The following MTBP variants were observed in gnomAD, a reference collection of about 807,000 sequenced individuals.
MTBP encodes MDM2 binding protein.
In MTBP, 101 loss-of-function variants were observed where a neutral mutation model predicts 117.0. That is an observed-to-expected ratio of 0.86 (90% CI 0.73 to 1.02). The LOEUF is 1.02. Among genes scored for constraint, MTBP ranks in the 50% least tolerant of loss-of-function variants. The probability of loss-of-function intolerance (pLI) is 0.00; values close to 1 mark genes in which losing one functional copy is unlikely to be tolerated. For synonymous variants in MTBP, 350 were observed against 351.5 expected (o/e 1.00, Z 0.05); for missense variants, 970 against 1,030.9 (o/e 0.94, Z 0.81).
intron 4 of MTBP, among the ~76,000 whole-genome samples, chr8:120,453,164 A>G (rs78035338): frequency 6.6e-6 from 1 of 152,148 alleles, no homozygotes; most frequent in South Asian, 2.1e-4. Context: ...AAGATTCAGA[A>G]AAATGGCTGG....
chr8:120,455,638 T>C, intron 6 of MTBP, 59 bp downstream of exon 6: 1 of 1,489,862 alleles, frequency 6.7e-7, no homozygotes, highest in East Asian at 2.3e-5. Flanking sequence ...ACAATTAACA[T>C]ACTATTCTCT....
intron 11 of MTBP, among the ~76,000 whole-genome samples, chr8:120,484,134 T>G (rs1462441646): frequency 6.6e-6 from 1 of 152,094 alleles, no homozygotes; most frequent in East Asian, 1.9e-4. Flanking sequence ...AGATTTAAAA[T>G]AAATGTGGAA....
chr8:120,453,407 A>G (rs1051780809), intron 4 of MTBP, among the ~76,000 whole-genome samples: 4 of 152,102 alleles, frequency 2.6e-5, no homozygotes, highest in African/African-American at 9.7e-5. Context: ...TGATCATGCC[A>G]CTGCACTCCA....
At chr8:120,507,325 T>C (rs1240303023) in intron 16 of MTBP, among the ~76,000 whole-genome samples, 1 of 152,150 alleles carries the variant, frequency 6.6e-6, no homozygotes, top group Admixed American at 6.5e-5. Flanking sequence ...TTGGAAACTA[T>C]GACATTGCCA....
Position 120,488,238 on chromosome 8 carries a change from C to T in MTBP, c.1245C>T (p.Ala415=), listed in dbSNP as rs1225439547. 1 of 1,593,734 alleles carries T rather than the reference C, an allele frequency of 6.3e-7. No homozygotes were observed. Among genetic ancestry groups the T allele is most frequent in the Non-Finnish European group, 8.5e-7 (1 of 1,172,664 alleles). ...GTAATGGCAATAGAAGATGTAAAGC[C>T]ACATTGATTCACTCAGCCAACCAGA... ...LQGNGNRRCK[A]TLIHSANQIN... Residue 415 remains alanine (A), a synonymous_variant, in exon 12 of 22, where the codon GCC becomes GCT. Coordinates refer to ENST00000305949, the MANE Select transcript of MTBP (RefSeq NM_022045.5).
intron 4 of MTBP, chr8:120,452,257 G>A (rs1418949107): frequency 6.6e-6 from 1 of 152,074 alleles, no homozygotes; most frequent in Non-Finnish European, 1.5e-5. Flanking sequence ...TATTATATCT[G>A]TAAGTAGCTG....
rs759265788 is a variant in MTBP, at chr8:120,451,037, G to C, written c.234G>C (p.Lys78Asn). The C allele has an allele frequency of 6.2e-7, 1 of 1,612,532 alleles. No homozygotes were observed. Among genetic ancestry groups the C allele is most frequent in the South Asian group, 1.1e-5 (1 of 90,684 alleles). Residue 78 changes from lysine to asparagine, a missense_variant, in exon 3 of 22, where the codon AAG becomes AAC. Physicochemically the swap from Lys to Asn is moderately conservative, Grantham distance 94. Coordinates refer to ENST00000305949, the MANE Select transcript of MTBP (RefSeq NM_022045.5). Reference sequence around the variant, plus strand: ...TGGGAGGTATACCTGGTTCCAAGAAGTGGTTCTTTGCAGTGCAGGCAATAT... The same window carrying C: ...TGGGAGGTATACCTGGTTCCAAGAACTGGTTCTTTGCAGTGCAGGCAATAT... ...CSVGGIPGSK[K>N]WFFAVQAIYG...
chr8:120,496,997 C>T (rs1225327109), intron 13 of MTBP, among the ~76,000 whole-genome samples: 1 of 152,106 alleles, frequency 6.6e-6, no homozygotes, highest in Non-Finnish European at 1.5e-5. Context: ...CTTTTTATTT[C>T]TTTGCTGTGA....
At chr8:120,491,107 G>A (rs886671398) in intron 13 of MTBP, among the ~76,000 whole-genome samples, 2 of 151,888 alleles carry the variant, frequency 1.3e-5, no homozygotes, top group Admixed American at 6.6e-5. Flanking sequence ...CTCTTTTACA[G>A]TTAATTTGGC....
At chr8:120,480,271 G>T (rs1586953507) in intron 11 of MTBP, among the ~76,000 whole-genome samples, 1 of 151,766 alleles carries the variant, frequency 6.6e-6, no homozygotes, top group Non-Finnish European at 1.5e-5. Context: ...TTAGCCAGGC[G>T]TGGTGGCAGG....
rs915766745 is a variant in MTBP, at chr8:120,482,169, T to C, written c.1166-5990T>C. 7.9e-5 allele frequency among the ~76,000 whole-genome samples: 12 copies of C among 152,144 alleles called. No homozygotes were observed. In the East Asian group the frequency reaches 2.3e-3, roughly 29 times the overall value. ...GCATCCTTGGTGGTTCAAATGTATA[T>C]CCAAGATTGAGAACCTCTGCCCTAG... is the stretch of plus-strand genomic sequence containing the variant. On this transcript the variant is annotated intron_variant, in intron 11 of 21. Coordinates refer to ENST00000305949, the MANE Select transcript of MTBP (RefSeq NM_022045.5).
At chr8:120,457,437 G>T (rs544327986) in intron 7 of MTBP, among the ~76,000 whole-genome samples, 52 of 152,088 alleles carry the variant, frequency 3.4e-4, no homozygotes, top group Non-Finnish European at 7.4e-5. Context: ...CTAAAGTTTT[G>T]TTACACTAGT....
intron 10 of MTBP, among the ~76,000 whole-genome samples, chr8:120,470,113 A>G (rs1813787934): frequency 6.6e-6 from 1 of 152,206 alleles, no homozygotes; most frequent in South Asian, 2.1e-4. Context: ...TATAGCTTTC[A>G]GAACTGTGGT....
At chr8:120,513,297 T>C (rs1814851597) in intron 17 of MTBP, among the ~76,000 whole-genome samples, 2 of 152,206 alleles carry the variant, frequency 1.3e-5, no homozygotes, top group Middle Eastern at 3.4e-3. Context: ...TTTGTGTATT[T>C]CTTAGTTACA....
At chr8:120,449,631 G>A (rs1220833260) in intron 2 of MTBP, among the ~76,000 whole-genome samples, 1 of 152,098 alleles carries the variant, frequency 6.6e-6, no homozygotes. Flanking sequence ...CGGATAGTAG[G>A]GAGAACAGAA....
At chr8:120,479,169 T>C (rs1267660774) in intron 11 of MTBP, among the ~76,000 whole-genome samples, 1 of 152,214 alleles carries the variant, frequency 6.6e-6, no homozygotes, top group East Asian at 1.9e-4. Flanking sequence ...AGTTGTGTAC[T>C]ATGTTCACTG....
chr8:120,521,801 C>T, intron 20 of MTBP, among the ~76,000 whole-genome samples: 1 of 152,098 alleles, frequency 6.6e-6, no homozygotes, highest in African/African-American at 2.4e-5. Flanking sequence ...TATCTTTTAC[C>T]TGATAAATAA....
chr8:120,511,340 A>G (rs148904775), intron 17 of MTBP, among the ~76,000 whole-genome samples: 9 of 152,344 alleles, frequency 5.9e-5, no homozygotes, highest in Non-Finnish European at 7.3e-5. Flanking sequence ...TTTTTCACCC[A>G]GGCTGAGTGC....
At chr8:120,463,626 A>G in intron 9 of MTBP, 66 bp from the exon 10 acceptor site, 3 of 1,258,364 alleles carry the variant, frequency 2.4e-6, no homozygotes, top group South Asian at 3.5e-5. Flanking sequence ...AAATAATGAA[A>G]CTTATTTTAA....
Sources: allele counts gnomAD v4.1 joint callset (sites outside exome capture counted in the v4.1 genomes callset), GRCh38; gene constraint gnomAD v4.1.1; transcripts MANE v1.5; gene names NCBI Gene and HGNC (gene_info 2026-07-23, HGNC 2026-07-21).